Variants in CSPP1 observed in about 807,000 individuals in gnomAD.
CSPP1 encodes the protein centrosome and spindle pole associated protein 1.
In CSPP1, 126 loss-of-function variants were observed where a neutral mutation model predicts 164.4. The observed-to-expected ratio is 0.77, with a 90% CI of 0.66 to 0.89. CSPP1 has a LOEUF of 0.89. CSPP1 is among the 40% of genes least tolerant of loss of function. CSPP1 has a pLI of 0.00. For missense variants in CSPP1, 1,395 were observed against 1,449.8 expected (o/e 0.96, Z 0.61); for synonymous variants, 472 against 476.7 (o/e 0.99, Z 0.13).
intron 30 of CSPP1, among the ~76,000 whole-genome samples, chr8:67,194,980 AAAATAAAAAGAAAAAAGAAAG>A (rs996968427): frequency 6.6e-6 from 1 of 152,168 alleles, no homozygotes; most frequent in Non-Finnish European, 1.5e-5. Context: ...TGCTTTAAAA[AAAATAAAAAGAAAAAAGAAAG>A]AAATTTTATG....
At chr8:67,171,554 G>A (rs1017204646) in intron 24 of CSPP1, among the ~76,000 whole-genome samples, 1 of 150,494 alleles carries the variant, frequency 6.6e-6, no homozygotes, top group African/African-American at 2.5e-5. Flanking sequence ...GACTAATTTT[G>A]TTGTTGTTGT....
In CSPP1 at chr8:67,118,424, TG is replaced by T. The variant is rs1818351292; in HGVS notation, c.1618+56del. ...CCCCGCTTGGCTCAATAAGGAAAAT[TG>T]TTTTTTTGTGTAAACAAAAAATATC... On this transcript the variant is annotated intron_variant, in intron 14 of 30. Transcript: ENST00000678616. The T allele has an allele frequency of 3.8e-6, 6 of 1,577,578 alleles. No homozygotes were observed. In the South Asian group the frequency reaches 5.7e-5, roughly 15 times the overall value.
rs532004706 is a variant in CSPP1, at chr8:67,196,546, T to G, written c.*953T>G. Among the ~76,000 whole-genome samples the G allele has an allele frequency of 2.0e-5, 3 of 152,230 alleles. No individual in the cohort carries two copies. The highest frequency in any genetic ancestry group is 4.4e-5 in the Non-Finnish European group (3 of 68,044). On this transcript the variant is annotated 3_prime_UTR_variant, in exon 31 of 31. Coordinates refer to ENST00000678616, the MANE Select transcript of CSPP1 (RefSeq NM_001382391.1). ...TGCTTCTCTCTCTAATAATACTTCCTCTGATGTAATTAACGGTTGGTAGAC... is the reference window on the plus strand; with the variant it reads ...TGCTTCTCTCTCTAATAATACTTCCGCTGATGTAATTAACGGTTGGTAGAC...
At chr8:67,067,664 C>T (rs761858999) in intron 1 of CSPP1, among the ~76,000 whole-genome samples, 6 of 151,122 alleles carry the variant, frequency 4.0e-5, no homozygotes, top group African/African-American at 1.5e-4. Context: ...GGGGTTTCAC[C>T]GTGTTAGCCA....
chr8:67,195,302 T>C lies in CSPP1; in HGVS notation c.3470-80T>C, dbSNP rs1473214853. ...TGGGGAAATGCTGAGTTGTAATGAG[T>C]TGGACTACAAGAGACCTGCGCTTAT... On this transcript the variant is annotated intron_variant, in intron 30 of 30. Transcript: ENST00000678616. 13 of 857,666 alleles carry C rather than the reference T, an allele frequency of 1.5e-5. No homozygotes were observed. In the South Asian group the frequency reaches 1.6e-4, roughly 11 times the overall value. The allele number at this position is 857,666 out of a possible 1,614,324, so 53.1% of individuals were successfully genotyped here. A position where few individuals can be genotyped will look rare whatever the true frequency, so the allele number is the denominator to read the frequency against.
intron 1 of CSPP1, among the ~76,000 whole-genome samples, chr8:67,066,766 C>CAT (rs1249491304): frequency 6.6e-6 from 1 of 151,696 alleles, no homozygotes; most frequent in Non-Finnish European, 1.5e-5. Flanking sequence ...TATATACACA[C>CAT]ATATATATTT....
intron 27 of CSPP1, 41 bp downstream of exon 27, chr8:67,177,767 GA>G (rs553242481): frequency 1.5e-5 from 22 of 1,441,500 alleles, no homozygotes; most frequent in Non-Finnish European, 1.8e-5. Context: ...GTTTTTGGGG[GA>G]TTAAAAATCT....
intron 28 of CSPP1, among the ~76,000 whole-genome samples, chr8:67,181,427 C>CA (rs1332803605): frequency 1.4e-5 from 2 of 146,484 alleles, no homozygotes; most frequent in Non-Finnish European, 3.0e-5. Flanking sequence ...CAGCAGGAGA[C>CA]AGGGATGGGA....
chr8:67,076,497 A>G lies in CSPP1; in HGVS notation c.115A>G (p.Lys39Glu). ...TCTCTTTCAGGGAAAGTTGTCAGCG[A>G]AGCTTTCTGAAAACAGTAAGATACT... ...YMEMKGKLSA[K>E]LSENSKILIS... Residue 39 changes from lysine to glutamate, a missense_variant, in exon 3 of 31, where the codon AAG becomes GAG. Coordinates refer to ENST00000678616, the MANE Select transcript of CSPP1 (RefSeq NM_001382391.1). 2 of 1,585,426 alleles carry G rather than the reference A, an allele frequency of 1.3e-6. No individual in the cohort carries two copies. Among genetic ancestry groups the G allele is most frequent in the Non-Finnish European group, 1.7e-6 (2 of 1,169,364 alleles).
At chr8:67,192,715 A>G (rs913073321) in intron 29 of CSPP1, among the ~76,000 whole-genome samples, 1 of 152,180 alleles carries the variant, frequency 6.6e-6, no homozygotes, top group Non-Finnish European at 1.5e-5. Flanking sequence ...GTCCAAGTCC[A>G]TTCTTTTGCA....
intron 15 of CSPP1, among the ~76,000 whole-genome samples, chr8:67,122,073 TC>T: frequency 6.6e-6 from 1 of 152,028 alleles, no homozygotes; most frequent in South Asian, 2.1e-4. Flanking sequence ...ACCTCATTCT[TC>T]CCATCACAGA....
chr8:67,179,495 CTT>C (rs762771257), intron 27 of CSPP1, among the ~76,000 whole-genome samples: 11 of 152,188 alleles, frequency 7.2e-5, no homozygotes, highest in Non-Finnish European at 1.2e-4. Flanking sequence ...GGCTTAAAGA[CTT>C]AATGTTTAAT....
chr8:67,098,618 A>G (rs1176048812), intron 7 of CSPP1, among the ~76,000 whole-genome samples: 3 of 151,988 alleles, frequency 2.0e-5, no homozygotes, highest in African/African-American at 4.8e-5. Context: ...TACCAATTCA[A>G]GTAAAATTTA....
chr8:67,105,826 A>G, intron 8 of CSPP1, 79 bp from the exon 9 acceptor site: 1 of 769,274 alleles, frequency 1.3e-6, no homozygotes, highest in Admixed American at 1.9e-5. Flanking sequence ...ATTCATAGCT[A>G]CATTTTACTC....
chr8:67,077,976 T>C (rs536124909), intron 3 of CSPP1, among the ~76,000 whole-genome samples: 1 of 152,338 alleles, frequency 6.6e-6, no homozygotes, highest in East Asian at 1.9e-4. Context: ...GTATTATATA[T>C]TGGTAAAATT....
Position 67,158,547 on chromosome 8 carries a change from A to G in CSPP1, c.2342A>G (p.Gln781Arg). 1.2e-6 allele frequency: 2 copies of G among 1,611,970 alleles called. No homozygotes were observed. The highest frequency in any genetic ancestry group is 1.7e-6 in the Non-Finnish European group (2 of 1,178,602). Reference protein sequence around the residue: ...RRLAEQRARIQQEYEEEQEKK... With the variant: ...RRLAEQRARIRQEYEEEQEKK... ...CTTGCAGAACAGAGGGCACGAATTCAGCAGGAGTATGAAGAGGAACAGGAA... is the reference window on the plus strand; with the variant it reads ...CTTGCAGAACAGAGGGCACGAATTCGGCAGGAGTATGAAGAGGAACAGGAA... Residue 781 changes from glutamine (Q) to arginine (R), a missense_variant, in exon 20 of 31, where the codon CAG becomes CGG. Transcript: ENST00000678616.
chr8:67,083,612 G>A (rs1809790865), intron 3 of CSPP1: 1 of 141,474 alleles, frequency 7.1e-6, no homozygotes, highest in Non-Finnish European at 1.5e-5. Flanking sequence ...AATGAATTAT[G>A]TTTTTCTTTC....
chr8:67,193,143 TAG>T (rs1491212692), intron 29 of CSPP1, among the ~76,000 whole-genome samples: 9 of 152,132 alleles, frequency 5.9e-5, no homozygotes, highest in Non-Finnish European at 1.3e-4. Context: ...TTTTTTGAGA[TAG>T]AGTCTCTGTC....
intron 4 of CSPP1, among the ~76,000 whole-genome samples, chr8:67,090,877 C>T (rs1811470887): frequency 1.3e-5 from 2 of 152,128 alleles, no homozygotes; most frequent in Non-Finnish European, 2.9e-5. Flanking sequence ...ATCCTTATAA[C>T]CTAGTGATGT....
Sources: allele counts gnomAD v4.1 joint callset (sites outside exome capture counted in the v4.1 genomes callset), GRCh38; gene constraint gnomAD v4.1.1; transcripts MANE v1.5; gene names NCBI Gene and HGNC (gene_info 2026-07-23, HGNC 2026-07-21).